The following KIDINS220 variants were observed in gnomAD, a reference collection of about 807,000 sequenced individuals.
KIDINS220 encodes the protein kinase D-interacting substrate of 220 kDa.
KIDINS220 carries 63 observed loss-of-function variants against 157.6 expected under a neutral mutation model. The observed-to-expected ratio is 0.40, with a 90% confidence interval of 0.33 to 0.49. The LOEUF (loss-of-function observed/expected upper bound fraction) is 0.49, where lower values mean the gene tolerates loss of function less well. Ranked by LOEUF, KIDINS220 falls within the 20% of genes least tolerant of loss-of-function variation. The pLI, the probability that KIDINS220 is intolerant of heterozygous loss-of-function variation, is 0.66. For synonymous variants in KIDINS220, 732 were observed against 783.6 expected (o/e 0.93, Z 1.10); for missense variants, 1,772 against 2,171.2 (o/e 0.82, Z 3.65).
chr2:8,789,027 A>G (rs1672813359), intron 14 of KIDINS220, among the ~76,000 whole-genome samples: 1 of 152,212 alleles, frequency 6.6e-6, no homozygotes, highest in African/African-American at 2.4e-5. Context: ...ACATGCCTTA[A>G]ACAGAAACAT....
chr2:8,733,031 G>A (rs1214496967), intron 29 of KIDINS220, among the ~76,000 whole-genome samples: 1 of 152,176 alleles, frequency 6.6e-6, no homozygotes, highest in East Asian at 1.9e-4. Flanking sequence ...CAGGCGTCCT[G>A]GAAAACCAAA....
intron 22 of KIDINS220, among the ~76,000 whole-genome samples, chr2:8,753,123 GAC>G (rs1172144113): frequency 6.6e-6 from 1 of 152,032 alleles, no homozygotes; most frequent in Non-Finnish European, 1.5e-5. Context: ...GAAGTTAAAA[GAC>G]AAGAGGTAGA....
chr2:8,817,552 T>C, intron 4 of KIDINS220, 66 bp downstream of exon 4: 1 of 909,802 alleles, frequency 1.1e-6, no homozygotes, highest in East Asian at 2.7e-5. Flanking sequence ...AAATAAAATA[T>C]TTCACACATA....
At chr2:8,769,151 T>G (rs1669850952) in intron 22 of KIDINS220, among the ~76,000 whole-genome samples, 1 of 152,190 alleles carries the variant, frequency 6.6e-6, no homozygotes, top group African/African-American at 2.4e-5. Context: ...CTAACACCTC[T>G]GCACTTTCCA....
chr2:8,833,848 C>T (rs79820547), intron 1 of KIDINS220, among the ~76,000 whole-genome samples: 4,790 of 152,214 alleles, frequency 0.031, 259 homozygotes, highest in African/African-American at 0.11. Context: ...TTAGAACTTG[C>T]CAATTTAATA....
At chr2:8,835,845 T>C (rs1398744155) in intron 1 of KIDINS220, among the ~76,000 whole-genome samples, 3 of 152,054 alleles carry the variant, frequency 2.0e-5, no homozygotes, top group Non-Finnish European at 2.9e-5. Flanking sequence ...ATGGAGAAAC[T>C]GACCGTTCTT....
chr2:8,806,290 T>G lies in KIDINS220; in HGVS notation c.584A>C (p.Asp195Ala). The change falls in exon 7 of 30, where the codon GAT becomes GCT. Residue 195 changes from aspartate (D) to alanine (A), a missense_variant. By Grantham distance (126) the Asp-to-Ala change is moderately radical (BLOSUM62 -2). Around this residue, in one of 3 missense-constraint regions of KIDINS220, gnomAD observed 254 missense variants for 268.6 expected, o/e 0.95. Transcript: ENST00000256707. ...CVKHLLAMGA[D>A]VDQEGANSMT... is the part of the protein sequence containing the mutation. ...ACTTACAGCTCCTTCTTGATCCACA[T>G]CAGCTCCCATGGCCAATAAATGTTT... The G allele has an allele frequency of 6.2e-7, 1 of 1,609,192 alleles. No homozygotes were observed. The highest frequency in any genetic ancestry group is 8.5e-7 in the Non-Finnish European group (1 of 1,177,400).
At chr2:8,791,647 A>C (rs1449313718) in intron 12 of KIDINS220, among the ~76,000 whole-genome samples, 1 of 152,222 alleles carries the variant, frequency 6.6e-6, no homozygotes, top group Non-Finnish European at 1.5e-5. Context: ...AGAATCGATA[A>C]AATATGATTA....
rs77055713 is a variant in KIDINS220 at position 8,799,010 on chromosome 2, C to G, written c.901-710G>C. Among the ~76,000 whole-genome samples the G allele has an allele frequency of 8.9e-3, 1,347 of 152,170 alleles. 9 individuals carry two copies. The highest frequency in any genetic ancestry group is 0.013 in the Non-Finnish European group (853 of 67,982). On this transcript the variant is annotated intron_variant, in intron 9 of 29. Coordinates refer to ENST00000256707, the MANE Select transcript of KIDINS220 (RefSeq NM_020738.4). ...CTTTTGCAGCAGCCACATTAAGTTCCTAATACCAAAATTTCCTCAACAGTT... is the reference window on the plus strand; with the variant it reads ...CTTTTGCAGCAGCCACATTAAGTTCGTAATACCAAAATTTCCTCAACAGTT...
At chr2:8,726,534 G>T (rs1046447843), downstream of KIDINS220, among the ~76,000 whole-genome samples, 3 of 152,230 alleles carry the variant, frequency 2.0e-5, no homozygotes, top group African/African-American at 7.2e-5. Context: ...TAAAATTACA[G>T]CCATGCATCA....
At chr2:8,826,693 T>C (rs1203492172) in intron 2 of KIDINS220, 1 of 202,662 alleles carries the variant, frequency 4.9e-6, no homozygotes, top group East Asian at 1.1e-4. Context: ...CCAGATGATC[T>C]GTAAAGTTTC....
chr2:8,833,668 A>C (rs562818743), intron 1 of KIDINS220, among the ~76,000 whole-genome samples: 2 of 152,336 alleles, frequency 1.3e-5, no homozygotes, highest in South Asian at 2.1e-4. Context: ...ATAAATGGAC[A>C]TCAGTTGAAT....
intron 4 of KIDINS220, among the ~76,000 whole-genome samples, chr2:8,815,595 G>A (rs1222833678): frequency 6.6e-6 from 1 of 152,054 alleles, no homozygotes; most frequent in Non-Finnish European, 1.5e-5. Flanking sequence ...CTTGAACCTG[G>A]GAGGCAGAGG....
chr2:8,764,577 T>A (rs1415836169), intron 22 of KIDINS220, among the ~76,000 whole-genome samples: 2 of 152,218 alleles, frequency 1.3e-5, no homozygotes, highest in African/African-American at 4.8e-5. Flanking sequence ...AGGTGAAATA[T>A]ACAGTCATCA....
At chr2:8,828,023 G>C (rs1028030050) in intron 1 of KIDINS220, among the ~76,000 whole-genome samples, 15 of 152,076 alleles carry the variant, frequency 9.9e-5, no homozygotes, top group Non-Finnish European at 2.1e-4. Context: ...TCAGAGCATG[G>C]CCTCTTTTAT....
chr2:8,722,252 T>C (rs1456303805), downstream of KIDINS220: 1 of 152,014 alleles, frequency 6.6e-6, no homozygotes, highest in Non-Finnish European at 1.5e-5. Flanking sequence ...AAAAAGAAAA[T>C]ATGCATCTTA....
intron 2 of KIDINS220, among the ~76,000 whole-genome samples, chr2:8,822,877 TATAA>T (rs1678203043): frequency 6.6e-6 from 1 of 152,250 alleles, no homozygotes; most frequent in Admixed American, 6.5e-5. Flanking sequence ...TTATCTAGTT[TATAA>T]ATAAAGCAAT....
intron 26 of KIDINS220, chr2:8,746,413 T>C (rs995991140): frequency 6.6e-6 from 1 of 151,736 alleles, no homozygotes; most frequent in African/African-American, 2.4e-5. Flanking sequence ...GCCACTTACA[T>C]AGTAATTTAT....
intron 21 of KIDINS220, among the ~76,000 whole-genome samples, chr2:8,775,895 C>T (rs1670899550): frequency 6.6e-6 from 1 of 152,158 alleles, no homozygotes; most frequent in Non-Finnish European, 1.5e-5. Flanking sequence ...GTTTTCTCTA[C>T]TAGGGCAGAG....
Sources: allele counts gnomAD v4.1 joint callset (sites outside exome capture counted in the v4.1 genomes callset), GRCh38; gene constraint gnomAD v4.1.1; regional missense constraint gnomAD v4.1.1; transcripts MANE v1.5; gene names NCBI Gene and HGNC (gene_info 2026-07-23, HGNC 2026-07-21).